Variants in SPATA17 observed in about 807,000 individuals in gnomAD.
The protein encoded by SPATA17 is spermatogenesis associated 17.
Under a neutral mutation model 62.2 loss-of-function variants are expected in SPATA17, and 53 were observed. The observed-to-expected ratio is 0.85, with a 90% CI of 0.68 to 1.07. The LOEUF (loss-of-function observed/expected upper bound fraction) is 1.07, where lower values mean the gene tolerates loss of function less well. Among genes scored for constraint, SPATA17 ranks in the 50% least tolerant of loss-of-function variants. The pLI is 0.00. For synonymous variants in SPATA17, 146 were observed against 146.8 expected (o/e 0.99, Z 0.04); for missense variants, 466 against 425.5 (o/e 1.10, Z -0.84).
intron 9 of SPATA17, among the ~76,000 whole-genome samples, chr1:217,847,840 T>G (rs1205519830): frequency 6.6e-6 from 1 of 152,104 alleles, no homozygotes; most frequent in Non-Finnish European, 1.5e-5. Flanking sequence ...AGGACCAGCC[T>G]GGGCAACACA....
chr1:217,809,862 T>C (rs532236995), intron 9 of SPATA17, among the ~76,000 whole-genome samples: 1 of 151,676 alleles, frequency 6.6e-6, no homozygotes, highest in Non-Finnish European at 1.5e-5. Flanking sequence ...ATGCAACCAT[T>C]CAGAATGTAA....
intron 9 of SPATA17, among the ~76,000 whole-genome samples, chr1:217,824,104 C>T (rs1674931611): frequency 6.6e-6 from 1 of 151,876 alleles, no homozygotes; most frequent in Non-Finnish European, 1.5e-5. Context: ...AGAATTTAAT[C>T]CATTTACAGT....
At chr1:217,697,199 TTGAACTCC>T (rs1184286721) in intron 5 of SPATA17, among the ~76,000 whole-genome samples, 1 of 152,214 alleles carries the variant, frequency 6.6e-6, no homozygotes, top group Non-Finnish European at 1.5e-5. Context: ...GAGGCTGGTG[TTGAACTCC>T]TGACCTCAGG....
chr1:217,727,169 C>T (rs975218606), intron 5 of SPATA17, among the ~76,000 whole-genome samples: 1 of 151,750 alleles, frequency 6.6e-6, no homozygotes, highest in African/African-American at 2.4e-5. Flanking sequence ...ATCGCTCGAA[C>T]CCGGGAGGCG....
chr1:217,773,441 G>C (rs532901318), intron 6 of SPATA17, among the ~76,000 whole-genome samples: 3 of 151,964 alleles, frequency 2.0e-5, no homozygotes, highest in South Asian at 4.2e-4. Context: ...TTGATATAAG[G>C]CTTCATGGAA....
At chr1:217,639,122 G>T (rs888878676) in intron 1 of SPATA17, among the ~76,000 whole-genome samples, 4 of 152,036 alleles carry the variant, frequency 2.6e-5, no homozygotes, top group Non-Finnish European at 1.5e-5. Flanking sequence ...GTCCTATATA[G>T]AATTTCCTTT....
chr1:217,853,199 A>C (rs956064511), intron 9 of SPATA17, among the ~76,000 whole-genome samples: 3 of 152,210 alleles, frequency 2.0e-5, no homozygotes, highest in Admixed American at 2.0e-4. Flanking sequence ...TGATGGTAAT[A>C]TGAACATCTA....
intron 5 of SPATA17, among the ~76,000 whole-genome samples, chr1:217,698,656 C>CCAGGA (rs1671520747): frequency 2.0e-5 from 3 of 151,778 alleles, no homozygotes; most frequent in Admixed American, 2.0e-4. Flanking sequence ...AATATCACAG[C>CCAGGA]CAGGATGTTG....
intron 4 of SPATA17, among the ~76,000 whole-genome samples, chr1:217,670,953 G>GA (rs71661748): frequency 0.33 from 28,825 of 86,822 alleles, 3,978 homozygotes; most frequent in African/African-American, 0.44. Flanking sequence ...TCCGTCTCAG[G>GA]AAAAAAAAAA....
At chr1:217,686,408 C>T (rs1385345656) in intron 5 of SPATA17, among the ~76,000 whole-genome samples, 1 of 151,810 alleles carries the variant, frequency 6.6e-6, no homozygotes, top group African/African-American at 2.4e-5. Context: ...ATTTTAATTA[C>T]AATATGTACT....
intron 9 of SPATA17, among the ~76,000 whole-genome samples, chr1:217,836,450 G>A (rs1439810887): frequency 6.6e-6 from 1 of 152,134 alleles, no homozygotes; most frequent in African/African-American, 2.4e-5. Context: ...GCTGTGAGTT[G>A]TTTGCTGTCA....
intron 8 of SPATA17, among the ~76,000 whole-genome samples, chr1:217,799,597 T>C (rs1674251912): frequency 6.6e-6 from 1 of 152,160 alleles, no homozygotes; most frequent in South Asian, 2.1e-4. Flanking sequence ...TTCTGTTTAT[T>C]TTTTATTTTA....
chr1:217,848,981 A>C (rs1675587784), intron 9 of SPATA17, among the ~76,000 whole-genome samples: 1 of 152,036 alleles, frequency 6.6e-6, no homozygotes, highest in African/African-American at 2.4e-5. Flanking sequence ...ACTTCACTAA[A>C]GCTTTTTTCT....
At position 217,712,128 on chromosome 1, in the gene SPATA17, C is replaced by CTTTT. The variant is rs551988828; in HGVS notation, c.395+28768_395+28771dup. Among the ~76,000 whole-genome samples the CTTTT allele has an allele frequency of 7.2e-3, 970 of 134,102 alleles. 43 individuals carry two copies. The highest frequency in any genetic ancestry group is 0.025 in the African/African-American group (867 of 34,958). 88.0% of individuals were successfully genotyped at this position (134,102 alleles called of 152,430 possible). A position where few individuals can be genotyped will look rare whatever the true frequency, so the allele number is the denominator to read the frequency against. ...GGACCCTTAAGTTCTACAATATGTT[C>CTTTT]TTTTGTTTTTTTTTTTTTACGGAGT... is the stretch of plus-strand genomic sequence containing the variant. On this transcript the variant is annotated intron_variant, in intron 5 of 10. Coordinates refer to ENST00000366933, the MANE Select transcript of SPATA17 (RefSeq NM_138796.4).
chr1:217,671,868 A>G (rs1484287616), intron 4 of SPATA17, among the ~76,000 whole-genome samples: 1 of 152,238 alleles, frequency 6.6e-6, no homozygotes, highest in African/African-American at 2.4e-5. Flanking sequence ...AAAGAAGTTC[A>G]AAGTCACTCT....
intron 3 of SPATA17, among the ~76,000 whole-genome samples, chr1:217,661,458 G>C (rs777023952): frequency 4.6e-5 from 7 of 152,022 alleles, no homozygotes; most frequent in Non-Finnish European, 1.0e-4. Context: ...AATTCTCATG[G>C]TGACATCAAA....
At chr1:217,632,985 G>T (rs1669849428) in intron 1 of SPATA17, among the ~76,000 whole-genome samples, 1 of 152,026 alleles carries the variant, frequency 6.6e-6, no homozygotes, top group Non-Finnish European at 1.5e-5. Context: ...ATCACTTGAG[G>T]GCAGAAGTTC....
At chr1:217,667,319 T>C (rs1279032246) in intron 3 of SPATA17, among the ~76,000 whole-genome samples, 1 of 152,138 alleles carries the variant, frequency 6.6e-6, no homozygotes, top group Non-Finnish European at 1.5e-5. Context: ...AGTGCTGGGA[T>C]TACAGGCATG....
At chr1:217,837,370 A>G (rs1675284493) in intron 9 of SPATA17, among the ~76,000 whole-genome samples, 1 of 152,122 alleles carries the variant, frequency 6.6e-6, no homozygotes. Flanking sequence ...ATCAGAATGG[A>G]CAGTAATACT....
Sources: allele counts gnomAD v4.1 joint callset (sites outside exome capture counted in the v4.1 genomes callset), GRCh38; gene constraint gnomAD v4.1.1; transcripts MANE v1.5; gene names NCBI Gene and HGNC (gene_info 2026-07-23, HGNC 2026-07-21).